ZMYND11: variants seen among roughly 807,000 people sequenced by gnomAD.
The protein encoded by ZMYND11 is zinc finger MYND domain-containing protein 11.
Under a neutral mutation model 84.9 loss-of-function variants are expected in ZMYND11, and 9 were observed. The ratio of observed to expected loss-of-function variants is 0.11; its 90% confidence interval spans 0.06 to 0.18. ZMYND11 has a LOEUF of 0.18. ZMYND11 is among the 10% of genes least tolerant of loss of function. The probability of loss-of-function intolerance (pLI) is 1.00; values close to 1 mark genes in which losing one functional copy is unlikely to be tolerated. For missense variants in ZMYND11, 409 were observed against 761.0 expected, an observed-to-expected ratio of 0.54 and a Z score of 5.44; for synonymous variants, 250 against 244.1, an observed-to-expected ratio of 1.02 and a Z score of -0.23.
chr10:150,149 C>T (rs1446380856), intron 1 of ZMYND11, among the ~76,000 whole-genome samples: 1 of 152,162 alleles, frequency 6.6e-6, no homozygotes, highest in Non-Finnish European at 1.5e-5. Context: ...GGAGGATTCC[C>T]TCTTTTTGTA....
intron 1 of ZMYND11, among the ~76,000 whole-genome samples, chr10:169,905 T>C (rs1844887695): frequency 6.6e-6 from 1 of 151,572 alleles, no homozygotes; most frequent in African/African-American, 2.4e-5. Flanking sequence ...CTTGACAATT[T>C]CACCAGTATC....
Position 179,277 on chromosome 10 carries a change from CA to C in ZMYND11, c.-19-716del, listed in dbSNP as rs1393410969. ...CTTTCCCCATCTTGCCAGGAGACAG[CA>C]GGAAAATTATTGGGAGGTGGGAGGT... is the stretch of plus-strand genomic sequence containing the variant. On this transcript the variant is annotated intron_variant, in intron 1 of 14. Coordinates refer to ENST00000381604, the MANE Select transcript of ZMYND11 (RefSeq NM_001370100.5). Among the ~76,000 whole-genome samples, 3 of 152,108 alleles carry C rather than the reference CA, an allele frequency of 2.0e-5. No homozygotes were observed. In the East Asian group the frequency reaches 5.8e-4, roughly 29 times the overall value.
intron 3 of ZMYND11, among the ~76,000 whole-genome samples, chr10:210,615 T>C (rs1255758822): frequency 6.6e-6 from 1 of 152,232 alleles, no homozygotes; most frequent in African/African-American, 2.4e-5. Flanking sequence ...ATTAATTCTC[T>C]TTACGTTTTT....
At chr10:146,096 A>T (rs148147651) in intron 1 of ZMYND11, among the ~76,000 whole-genome samples, 60 of 152,178 alleles carry the variant, frequency 3.9e-4, no homozygotes, top group African/African-American at 1.4e-3. Flanking sequence ...TCTTCTACGT[A>T]TGGCTATCCA....
chr10:226,809 ATTC>A (rs1564415734), intron 4 of ZMYND11, among the ~76,000 whole-genome samples: 2 of 152,178 alleles, frequency 1.3e-5, no homozygotes, highest in African/African-American at 2.4e-5. Flanking sequence ...TTATATTACT[ATTC>A]TTTATATCAT....
At chr10:153,297 T>C (rs969741122) in intron 1 of ZMYND11, among the ~76,000 whole-genome samples, 1 of 152,248 alleles carries the variant, frequency 6.6e-6, no homozygotes, top group African/African-American at 2.4e-5. Context: ...TCCTATATAA[T>C]TGAATAACCA....
At chr10:187,515 T>A (rs1364454897) in intron 2 of ZMYND11, among the ~76,000 whole-genome samples, 1 of 151,942 alleles carries the variant, frequency 6.6e-6, no homozygotes, top group Non-Finnish European at 1.5e-5. Flanking sequence ...GCGCCTGTAG[T>A]CCCAGCTACT....
intron 2 of ZMYND11, among the ~76,000 whole-genome samples, chr10:187,237 A>C (rs1165445015): frequency 6.6e-6 from 1 of 152,134 alleles, no homozygotes; most frequent in East Asian, 1.9e-4. Flanking sequence ...AAACAAAAAC[A>C]AAACGAAACA....
intron 2 of ZMYND11, among the ~76,000 whole-genome samples, chr10:192,091 T>C (rs1261888566): frequency 1.3e-5 from 2 of 152,198 alleles, no homozygotes; most frequent in Admixed American, 1.3e-4. Flanking sequence ...ATGCAGCTAG[T>C]CAGTTGCAGA....
intron 4 of ZMYND11, among the ~76,000 whole-genome samples, chr10:229,615 G>C (rs1948666613): frequency 6.6e-6 from 1 of 152,130 alleles, no homozygotes; most frequent in South Asian, 2.1e-4. Flanking sequence ...GTGATGTACT[G>C]TTCTTCAGGT....
chr10:130,865 T>C (rs1835297363), upstream of ZMYND11, among the ~76,000 whole-genome samples: 3 of 152,128 alleles, frequency 2.0e-5, no homozygotes, highest in Admixed American at 6.6e-5. Context: ...GCGCCTGTAA[T>C]TCCAGCACTG....
At chr10:199,309 TCCTCCCTC>T (rs58240424) in intron 2 of ZMYND11, among the ~76,000 whole-genome samples, 7 of 134,804 alleles carry the variant, frequency 5.2e-5, no homozygotes, top group Admixed American at 7.7e-5. Context: ...CTCCCTCTCT[TCCTCCCTC>T]CCTCCCTCCC....
At chr10:240,138 CTCTT>C (rs1418535274) in intron 8 of ZMYND11, 27 bp downstream of exon 8, 15 of 1,513,428 alleles carry the variant, frequency 9.9e-6, no homozygotes, top group Admixed American at 1.9e-5. Flanking sequence ...AATAGTTATA[CTCTT>C]TCTATAACTG....
chr10:154,040 A>G (rs1554757931), intron 1 of ZMYND11, among the ~76,000 whole-genome samples: 3 of 152,110 alleles, frequency 2.0e-5, no homozygotes, highest in African/African-American at 4.8e-5. Context: ...CAGCTTCACA[A>G]CATTGCTGTT....
intron 1 of ZMYND11, among the ~76,000 whole-genome samples, chr10:166,927 A>G (rs554011320): frequency 1.3e-5 from 2 of 152,168 alleles, no homozygotes; most frequent in Non-Finnish European, 2.9e-5. Context: ...AGAAGAAATA[A>G]AGTACTGGCA....
chr10:243,446 C>T (rs1428712475), intron 10 of ZMYND11, among the ~76,000 whole-genome samples: 1 of 152,144 alleles, frequency 6.6e-6, no homozygotes, highest in Non-Finnish European at 1.5e-5. Context: ...AACTTTTTAT[C>T]TATATATTTT....
At chr10:193,770 C>G (rs1490107447) in intron 2 of ZMYND11, among the ~76,000 whole-genome samples, 1 of 152,190 alleles carries the variant, frequency 6.6e-6, no homozygotes, top group Non-Finnish European at 1.5e-5. Context: ...CATTGATTTG[C>G]CTACGGTCAC....
intron 2 of ZMYND11, among the ~76,000 whole-genome samples, chr10:202,550 A>C (rs1157205475): frequency 6.6e-6 from 1 of 152,036 alleles, no homozygotes; most frequent in Admixed American, 6.6e-5. Context: ...AAACAAAGTT[A>C]TTGACTCCTT....
intron 1 of ZMYND11, among the ~76,000 whole-genome samples, chr10:169,582 T>C (rs1466230889): frequency 6.6e-6 from 1 of 152,124 alleles, no homozygotes; most frequent in East Asian, 1.9e-4. Context: ...GATATAAGCA[T>C]AGAGATGGAA....
Sources: allele counts gnomAD v4.1 joint callset (sites outside exome capture counted in the v4.1 genomes callset), GRCh38; gene constraint gnomAD v4.1.1; transcripts MANE v1.5; gene names NCBI Gene and HGNC (gene_info 2026-07-23, HGNC 2026-07-21).